Variants in ZNF536 observed in about 807,000 individuals in gnomAD.
ZNF536 encodes the protein zinc finger protein 536.
A neutral mutation model predicts 84.5 loss-of-function variants in ZNF536; 13 were observed. The ratio of observed to expected loss-of-function variants is 0.15; its 90% CI spans 0.10 to 0.24. The LOEUF is 0.24. Ranked by LOEUF, ZNF536 falls within the 10% of genes least tolerant of loss-of-function variation. ZNF536 has a pLI of 1.00. For synonymous variants in ZNF536, 811 were observed against 742.5 expected, an observed-to-expected ratio of 1.09 and a Z score of -1.50; for missense variants, 1,536 against 1,747.5, an observed-to-expected ratio of 0.88 and a Z score of 2.16.
At chr19:30,476,499 C>A (rs138655701) in intron 2 of ZNF536, among the ~76,000 whole-genome samples, 1 of 152,194 alleles carries the variant, frequency 6.6e-6, no homozygotes. Context: ...CGATGAGAAT[C>A]GGCCTCTGAT....
At chr19:30,687,107 G>A (rs1394630127) in intron 1 of ZNF536, among the ~76,000 whole-genome samples, 1 of 152,182 alleles carries the variant, frequency 6.6e-6, no homozygotes, top group Non-Finnish European at 1.5e-5. Context: ...AGACAGAGTT[G>A]TGTATTCCAA....
At chr19:30,408,752 A>G (rs893303701) in intron 1 of ZNF536, among the ~76,000 whole-genome samples, 39 of 151,666 alleles carry the variant, frequency 2.6e-4, no homozygotes, top group Admixed American at 2.6e-3. Context: ...CCATCTGTCC[A>G]TCATCCATCC....
intron 2 of ZNF536, among the ~76,000 whole-genome samples, chr19:30,305,312 C>T (rs778188572): frequency 6.6e-6 from 1 of 152,116 alleles, no homozygotes; most frequent in African/African-American, 2.4e-5. Flanking sequence ...CTAGTGTCCT[C>T]GCTTGACCCT....
chr19:30,358,597 G>A (rs1480525606), intron 3 of ZNF536, among the ~76,000 whole-genome samples: 1 of 152,228 alleles, frequency 6.6e-6, no homozygotes, highest in Non-Finnish European at 1.5e-5. Context: ...TGTGGTTTAA[G>A]CAAACCAAAT....
intron 2 of ZNF536, among the ~76,000 whole-genome samples, chr19:30,459,346 CTT>C (rs373639212): frequency 6.2e-4 from 72 of 116,006 alleles, no homozygotes; most frequent in African/African-American, 2.1e-3. Context: ...TTCCTTCTTT[CTT>C]TCTCTCTTTT....
chr19:30,675,864 T>G (rs2147776244), intron 1 of ZNF536, among the ~76,000 whole-genome samples: 1 of 152,312 alleles, frequency 6.6e-6, no homozygotes, highest in East Asian at 1.9e-4. Context: ...TGCTTTTTTA[T>G]TTTTTATTTT....
intron 1 of ZNF536, among the ~76,000 whole-genome samples, chr19:30,702,363 T>A (rs1183831262): frequency 6.6e-6 from 1 of 151,984 alleles, no homozygotes. Flanking sequence ...CAATACAAAT[T>A]AACGTATGAT....
At chr19:30,602,105 A>G (rs1054101947) in intron 1 of ZNF536, among the ~76,000 whole-genome samples, 1 of 152,202 alleles carries the variant, frequency 6.6e-6, no homozygotes, top group African/African-American at 2.4e-5. Context: ...CAGTGGTATC[A>G]AAAAACGAAT....
intron 2 of ZNF536, among the ~76,000 whole-genome samples, chr19:30,459,832 A>T (rs2083349506): frequency 6.6e-6 from 1 of 152,070 alleles, no homozygotes; most frequent in African/African-American, 2.4e-5. Context: ...ATGCTGTCCT[A>T]GGCAGGCAGC....
At chr19:30,334,186 A>G (rs2047305805) in intron 2 of ZNF536, among the ~76,000 whole-genome samples, 1 of 152,178 alleles carries the variant, frequency 6.6e-6, no homozygotes. Context: ...GGGTTCTAGA[A>G]CATTCTCTTT....
At chr19:30,442,971 T>C (rs1457548149) in intron 1 of ZNF536, among the ~76,000 whole-genome samples, 1 of 152,200 alleles carries the variant, frequency 6.6e-6, no homozygotes, top group Non-Finnish European at 1.5e-5. Context: ...TCCTTTACTT[T>C]ATTTTTTCCC....
intron 1 of ZNF536, among the ~76,000 whole-genome samples, chr19:30,282,870 T>A (rs978840998): frequency 5.9e-5 from 9 of 152,156 alleles, no homozygotes; most frequent in African/African-American, 2.2e-4. Context: ...GTGTTGGAGA[T>A]GGTTGAGACA....
At chr19:30,281,225 C>T (rs142206628) in intron 1 of ZNF536, among the ~76,000 whole-genome samples, 350 of 152,298 alleles carry the variant, frequency 2.3e-3, no homozygotes, top group African/African-American at 7.5e-3. Flanking sequence ...TCCCTTTCTC[C>T]CTCCTCGCTC....
intron 2 of ZNF536, among the ~76,000 whole-genome samples, chr19:30,464,355 C>G (rs1047345251): frequency 6.6e-6 from 1 of 152,144 alleles, no homozygotes; most frequent in Admixed American, 6.5e-5. Context: ...GGGGACCAGA[C>G]GGCGCTGGGC....
At chr19:30,667,625 C>CTTTTTTTTTTT (rs57656065) in intron 1 of ZNF536, among the ~76,000 whole-genome samples, 2,015 of 123,802 alleles carry the variant, frequency 0.016, 84 homozygotes, top group African/African-American at 0.046. Context: ...TTTTTTCTAG[C>CTTTTTTTTTTT]TTTTTTTTTT....
intron 1 of ZNF536, among the ~76,000 whole-genome samples, chr19:30,399,134 T>C (rs553141674): frequency 6.6e-6 from 1 of 152,364 alleles, no homozygotes; most frequent in South Asian, 2.1e-4. Flanking sequence ...TGGTATCTCA[T>C]TGTGGTTTTG....
chr19:30,669,270 T>A (rs2050452700), intron 1 of ZNF536, among the ~76,000 whole-genome samples: 1 of 152,148 alleles, frequency 6.6e-6, no homozygotes, highest in South Asian at 2.1e-4. Flanking sequence ...CCATTTCTGT[T>A]CCTCACGCGC....
intron 1 of ZNF536, among the ~76,000 whole-genome samples, chr19:30,707,737 T>C (rs1468545339): frequency 1.3e-5 from 2 of 152,152 alleles, no homozygotes; most frequent in African/African-American, 4.8e-5. Context: ...TGGCAGGGCA[T>C]GGTGGCTCAC....
intron 1 of ZNF536, among the ~76,000 whole-genome samples, chr19:30,256,124 GC>G (rs1284676246): frequency 6.6e-6 from 1 of 152,140 alleles, no homozygotes; most frequent in Non-Finnish European, 1.5e-5. Flanking sequence ...TATATTTACA[GC>G]TGTGGAGAGA....
Sources: allele counts gnomAD v4.1 joint callset (sites outside exome capture counted in the v4.1 genomes callset), GRCh38; gene constraint gnomAD v4.1.1; transcripts MANE v1.5; gene names NCBI Gene and HGNC (gene_info 2026-07-23, HGNC 2026-07-21).